FGF23: variants seen among roughly 807,000 people sequenced by gnomAD.
FGF23 encodes phosphatonin.
Under a neutral mutation model 9.0 loss-of-function variants are expected in FGF23, and 8 were observed. The observed-to-expected ratio is 0.89, with a 90% CI of 0.52 to 1.60. The LOEUF is 1.60. Ranked by LOEUF, FGF23 falls within the 40% of genes most tolerant of loss-of-function variation. The probability of loss-of-function intolerance (pLI) is 0.00; values close to 1 mark genes in which losing one functional copy is unlikely to be tolerated. For synonymous variants in FGF23, 118 were observed against 146.2 expected, an observed-to-expected ratio of 0.81 and a Z score of 1.39; for missense variants, 311 against 344.3, an observed-to-expected ratio of 0.90 and a Z score of 0.77.
At chr12:4,378,160 C>G (rs1239120630) in intron 1 of FGF23, among the ~76,000 whole-genome samples, 3 of 152,156 alleles carry the variant, frequency 2.0e-5, no homozygotes, top group African/African-American at 7.2e-5. Flanking sequence ...TGTTATATAT[C>G]TTGCAACTTA....
rs553226581 is a variant in FGF23 at position 4,379,070 on chromosome 12, C to T, written c.211+302G>A. Among the ~76,000 whole-genome samples the T allele has an allele frequency of 3.2e-4, 49 of 152,126 alleles. No homozygotes were observed. In the South Asian group the frequency reaches 8.1e-3, roughly 25 times the overall value. ...TCTGTACATTTTTTCAATCTTTTGA[C>T]GGGGCAAAGGGAACATGGCTCCTAC... On this transcript the variant is annotated intron_variant, in intron 1 of 2. Transcript: ENST00000237837.
rs1375153647 is a variant in FGF23, at chr12:4,370,268, C to T, written c.*75G>A. 46 of 1,426,666 alleles carry T rather than the reference C, an allele frequency of 3.2e-5. No individual in the cohort carries two copies. The highest frequency in any genetic ancestry group is 4.1e-5 in the Non-Finnish European group (42 of 1,020,240). 88.4% of individuals were successfully genotyped at this position (1,426,666 alleles called of 1,614,324 possible). On this transcript the variant is annotated 3_prime_UTR_variant, in exon 3 of 3. Transcript: ENST00000237837. Reference sequence around the variant, plus strand: ...CCTGTCACCTTTCCCATCCTCGGAACGTCAAGGGACCTGGTCCTTGGGAAG... The same window carrying T: ...CCTGTCACCTTTCCCATCCTCGGAATGTCAAGGGACCTGGTCCTTGGGAAG...
chr12:4,368,809 T>A lies in FGF23; in HGVS notation c.*1534A>T, dbSNP rs1056372447. ...GGCTATATACTATTATACATAGTTT[T>A]ACTGTTTCAGAATAGGAACCAGTCC... On this transcript the variant is annotated 3_prime_UTR_variant, in exon 3 of 3. Transcript: ENST00000237837. 4.7e-6 allele frequency: 1 copy of A among 210,698 alleles called. No homozygotes were observed. Among genetic ancestry groups the A allele is most frequent in the African/African-American group, 2.3e-5 (1 of 44,122 alleles). The allele number at this position is 210,698 out of a possible 1,614,324, so 13.1% of individuals were successfully genotyped here. A position where few individuals can be genotyped will look rare whatever the true frequency, so the allele number is the denominator to read the frequency against.
chr12:4,368,344 TC>T lies in FGF23; in HGVS notation c.*1998del, dbSNP rs1238958400. 5.6e-6 allele frequency: 1 copy of T among 179,242 alleles called. No individual in the cohort carries two copies. The highest frequency in any genetic ancestry group is 1.2e-5 in the Non-Finnish European group (1 of 83,698). The allele number at this position is 179,242 out of a possible 1,614,324, so 11.1% of individuals were successfully genotyped here. A position where few individuals can be genotyped will look rare whatever the true frequency, so the allele number is the denominator to read the frequency against. ...ATTTTAAAATTCTAAAATCTTTTTT[TC>T]AATTTTGCCTTCTCTGGATTTCCCT... On this transcript the variant is annotated 3_prime_UTR_variant, in exon 3 of 3. Coordinates refer to ENST00000237837, the MANE Select transcript of FGF23 (RefSeq NM_020638.3).
rs771094044 is a variant in FGF23, at chr12:4,379,620, C to G, written c.-38G>C. 1.3e-6 allele frequency: 2 copies of G among 1,518,132 alleles called. No individual in the cohort carries two copies. Among genetic ancestry groups the G allele is most frequent in the East Asian group, 4.8e-5 (2 of 41,256 alleles). The allele number at this position is 1,518,132 out of a possible 1,614,324, so 94.0% of individuals were successfully genotyped here. On this transcript the variant is annotated 5_prime_UTR_variant, in exon 1 of 3. Coordinates refer to ENST00000237837, the MANE Select transcript of FGF23 (RefSeq NM_020638.3). ...TGAGTGGCTGGTGCTGAGATTGAAACCTGACACTCCTGTCGGGACTCTCCT... is the reference window on the plus strand; with the variant it reads ...TGAGTGGCTGGTGCTGAGATTGAAAGCTGACACTCCTGTCGGGACTCTCCT...
At chr12:4,373,189 G>A (rs1009300309) in intron 1 of FGF23, among the ~76,000 whole-genome samples, 10 of 152,194 alleles carry the variant, frequency 6.6e-5, no homozygotes, top group African/African-American at 2.2e-4. Context: ...TCAACACCCA[G>A]TATGTGTACA....
intron 1 of FGF23, among the ~76,000 whole-genome samples, chr12:4,379,063 C>A (rs567043119): frequency 3.9e-5 from 6 of 152,132 alleles, no homozygotes; most frequent in Non-Finnish European, 8.8e-5. Flanking sequence ...TTTTTTCAAT[C>A]TTTTGACGGG....
At position 4,370,408 on chromosome 12, in the gene FGF23, G is replaced by C. The variant is rs764061118; in HGVS notation, c.691C>G (p.Arg231Gly). 1 of 1,613,620 alleles carries C rather than the reference G, an allele frequency of 6.2e-7. No individual in the cohort carries two copies. ...SDPLGVVRGGRVNTHAGGTGP... is the reference protein window; with the variant it reads ...SDPLGVVRGGGVNTHAGGTGP... ...GTTCCCCCAGCGTGCGTGTTCACTC[G>C]ACCGCCCCTGACCACCCCTAATGGG... Residue 231 changes from arginine (R) to glycine (G), a missense_variant, in exon 3 of 3, where the codon CGA becomes GGA. Around this residue, in one of 3 missense-constraint regions of FGF23, gnomAD observed 206 missense variants for 219.2 expected, o/e 0.94. Coordinates refer to ENST00000237837, the MANE Select transcript of FGF23 (RefSeq NM_020638.3).
intron 1 of FGF23, among the ~76,000 whole-genome samples, chr12:4,374,699 A>G (rs758905404): frequency 1.8e-4 from 27 of 152,278 alleles, no homozygotes; most frequent in South Asian, 6.2e-4. Flanking sequence ...TTTCAGTCTA[A>G]TTGGGAAAAA....
At chr12:4,377,726 G>A (rs369743389) in intron 1 of FGF23, among the ~76,000 whole-genome samples, 1 of 47,670 alleles carries the variant, frequency 2.1e-5, no homozygotes, top group East Asian at 3.7e-4. Context: ...CACCACACCT[G>A]GCCCACATAT....
intron 2 of FGF23, 148 bp from the exon 3 acceptor site, chr12:4,370,931 G>A (rs1455049735): frequency 2.7e-6 from 2 of 741,986 alleles, no homozygotes; most frequent in Non-Finnish European, 4.8e-6. Flanking sequence ...GTTCCCTGCT[G>A]GGGTAGAGTG....
At chr12:4,377,923 C>T (rs1591674976) in intron 1 of FGF23, among the ~76,000 whole-genome samples, 1 of 152,174 alleles carries the variant, frequency 6.6e-6, no homozygotes, top group Admixed American at 6.5e-5. Context: ...ATTAAATATC[C>T]ATTGAATAAA....
Position 4,369,881 on chromosome 12 carries a change from CAT to C in FGF23, c.*460_*461del. On this transcript the variant is annotated 3_prime_UTR_variant, in exon 3 of 3. Coordinates refer to ENST00000237837, the MANE Select transcript of FGF23 (RefSeq NM_020638.3). ...ATGCCAGTGGGATCGGGGCATCTAA[CAT>C]AAATGCATAGGGCAGTGGAGAAGCT... 1 of 218,882 alleles carries C rather than the reference CAT, an allele frequency of 4.6e-6. No individual in the cohort carries two copies. The highest frequency in any genetic ancestry group is 9.0e-6 in the Non-Finnish European group (1 of 110,706). 13.6% of individuals were successfully genotyped at this position (218,882 alleles called of 1,614,324 possible). A position where few individuals can be genotyped will look rare whatever the true frequency, so the allele number is the denominator to read the frequency against.
chr12:4,373,694 T>C (rs1402595807), intron 1 of FGF23, among the ~76,000 whole-genome samples: 9 of 152,232 alleles, frequency 5.9e-5, no homozygotes, highest in Admixed American at 5.9e-4. Context: ...AAAGGCACAA[T>C]TAGATCATAT....
chr12:4,370,564 G>T lies in FGF23; in HGVS notation c.535C>A (p.Arg179=), dbSNP rs28937882. 1 of 1,613,752 alleles carries T rather than the reference G, an allele frequency of 6.2e-7. No homozygotes were observed. The highest frequency in any genetic ancestry group is 1.3e-5 in the African/African-American group (1 of 74,918). Residue 179 remains arginine (R), a synonymous_variant, in exon 3 of 3, where the codon CGG becomes AGG. Transcript: ENST00000237837. ...CGCTCCGAGTCGTCCTCGGCGCTCC[G>T]GGTGTGCCGCCGTGGTATGGGGGTG... The part of the protein sequence containing the change: ...FNTPIPRRHT[R]SAEDDSERDP...
In FGF23 at chr12:4,379,551, C is replaced by T. The variant is rs1591675602; in HGVS notation, c.32G>A (p.Cys11Tyr). ...CATGCTGCAGACGCTGCACAAGGCACAGACCCAGAGCCTGAGGCGGGCCCC... is the reference window on the plus strand; with the variant it reads ...CATGCTGCAGACGCTGCACAAGGCATAGACCCAGAGCCTGAGGCGGGCCCC... The part of the protein sequence containing the change: MLGARLRLWV[C>Y]ALCSVCSMSV... The change falls in exon 1 of 3, where the codon TGT (cysteine) becomes TAT (tyrosine). Residue 11 changes from cysteine to tyrosine, a missense_variant. By Grantham distance (194) the Cys-to-Tyr change is radical. Around this residue, in one of 3 missense-constraint regions of FGF23, gnomAD observed 102 missense variants for 108.2 expected, o/e 0.94. Coordinates refer to ENST00000237837, the MANE Select transcript of FGF23 (RefSeq NM_020638.3). 6.2e-7 allele frequency: 1 copy of T among 1,610,734 alleles called. No homozygotes were observed. The highest frequency in any genetic ancestry group is 8.5e-7 in the Non-Finnish European group (1 of 1,179,716).
Position 4,370,774 on chromosome 12 carries a change from C to A in FGF23, c.325G>T (p.Asp109Tyr). The A allele has an allele frequency of 6.2e-7, 1 of 1,613,898 alleles. No individual in the cohort carries two copies. Among genetic ancestry groups the A allele is most frequent in the South Asian group, 1.1e-5 (1 of 91,030 alleles). ...RGNIFGSHYF[D>Y]PENCRFQHQT... ...TGTTGGAACCTGCAGTTCTCCGGGT[C>A]GAAATAGTGCTGGAAGGACAAGAGC... The change falls in exon 3 of 3, where the codon GAC becomes TAC. Residue 109 changes from aspartate (D) to tyrosine (Y), a missense_variant. Physicochemically the swap from Asp to Tyr is radical, Grantham distance 160 (BLOSUM62 -3). Coordinates refer to ENST00000237837, the MANE Select transcript of FGF23 (RefSeq NM_020638.3).
In FGF23 at chr12:4,375,490, G is replaced by C. The variant is rs139310014; in HGVS notation, c.212-2793C>G. Among the ~76,000 whole-genome samples, 4 of 152,342 alleles carry C rather than the reference G, an allele frequency of 2.6e-5. No individual in the cohort carries two copies. In the East Asian group the frequency reaches 7.7e-4, roughly 29 times the overall value. ...GTTTCTTTCCTTTGTGCTTTCAAAA[G>C]GCATCTTTTCGCAGTCTGCACAGAT... is the stretch of plus-strand genomic sequence containing the variant. On this transcript the variant is annotated intron_variant, in intron 1 of 2. Coordinates refer to ENST00000237837, the MANE Select transcript of FGF23 (RefSeq NM_020638.3).
In FGF23 at chr12:4,369,626, G is replaced by A; in HGVS notation, c.*717C>T. ...GGCCCTCTGGCTGTGGCTGCACAGAGGGAGACAGCGAGACAGAAGGTGCTC... is the reference window on the plus strand; with the variant it reads ...GGCCCTCTGGCTGTGGCTGCACAGAAGGAGACAGCGAGACAGAAGGTGCTC... On this transcript the variant is annotated 3_prime_UTR_variant, in exon 3 of 3. Transcript: ENST00000237837. 4.4e-6 allele frequency: 1 copy of A among 229,502 alleles called. No individual in the cohort carries two copies. The highest frequency in any genetic ancestry group is 8.6e-6 in the Non-Finnish European group (1 of 115,674). 14.2% of individuals were successfully genotyped at this position (229,502 alleles called of 1,614,324 possible).
Sources: allele counts gnomAD v4.1 joint callset (sites outside exome capture counted in the v4.1 genomes callset), GRCh38; gene constraint gnomAD v4.1.1; regional missense constraint gnomAD v4.1.1; transcripts MANE v1.5; gene names NCBI Gene and HGNC (gene_info 2026-07-23, HGNC 2026-07-21).